Variants in ALDH7A1 observed in about 807,000 individuals in gnomAD.
ALDH7A1 encodes aldehyde dehydrogenase 7 family member A1.
Under a neutral mutation model 79.9 loss-of-function variants are expected in ALDH7A1, and 63 were observed. That is an observed-to-expected ratio of 0.79 (90% CI 0.64 to 0.97). The LOEUF (loss-of-function observed/expected upper bound fraction) is 0.97. Ranked by LOEUF, ALDH7A1 falls within the 50% of genes least tolerant of loss-of-function variation. The pLI, the probability that ALDH7A1 is intolerant of heterozygous loss-of-function variation, is 0.00. For synonymous variants in ALDH7A1, 240 were observed against 231.2 expected (o/e 1.04, Z -0.34); for missense variants, 627 against 665.2 (o/e 0.94, Z 0.63).
In ALDH7A1 at chr5:126,543,317, T is replaced by C. The variant is rs1053274261; in HGVS notation, c.*1648A>G. The stretch of plus-strand genomic sequence containing the variant: ...ATGTAGAAGAAAAATTATAAATTTG[T>C]TTCAAAGAAAGCTTTCAGAATCAGT... On this transcript the variant is annotated 3_prime_UTR_variant, in exon 18 of 18. Transcript: ENST00000409134. 4.6e-5 allele frequency: 7 copies of C among 152,168 alleles called. No individual in the cohort carries two copies. The highest frequency in any genetic ancestry group is 7.4e-5 in the Non-Finnish European group (5 of 68,022). 9.4% of individuals were successfully genotyped at this position (152,168 alleles called of 1,614,324 possible). A position where few individuals can be genotyped will look rare whatever the true frequency, so the allele number is the denominator to read the frequency against.
Position 126,542,557 on chromosome 5 carries a change from G to C in ALDH7A1, c.*2408C>G, listed in dbSNP as rs1749640896. On this transcript the variant is annotated 3_prime_UTR_variant, in exon 18 of 18. Transcript: ENST00000409134. ...GCATGCACCTGTAGTCCCAGCTACT[G>C]GGGAGCATGAGGTGGAAGGATAGAT... The C allele has an allele frequency of 1.3e-5, 2 of 152,222 alleles. No individual in the cohort carries two copies. Among genetic ancestry groups the C allele is most frequent in the South Asian group, 4.1e-4 (2 of 4,824 alleles). 9.4% of individuals were successfully genotyped at this position (152,222 alleles called of 1,614,324 possible).
At chr5:126,566,215 G>T (rs1750578143) in intron 9 of ALDH7A1, among the ~76,000 whole-genome samples, 1 of 151,998 alleles carries the variant, frequency 6.6e-6, no homozygotes, top group African/African-American at 2.4e-5. Flanking sequence ...AATGAAAAGG[G>T]GATATCTACT....
chr5:126,573,546 A>C (rs1453089336), intron 7 of ALDH7A1, among the ~76,000 whole-genome samples: 1 of 151,906 alleles, frequency 6.6e-6, no homozygotes, highest in Non-Finnish European at 1.5e-5. Flanking sequence ...AAAATACAAA[A>C]AATTAGCCGG....
At chr5:126,548,557 G>A (rs776065916) in intron 16 of ALDH7A1, among the ~76,000 whole-genome samples, 1 of 151,738 alleles carries the variant, frequency 6.6e-6, no homozygotes, top group African/African-American at 2.4e-5. Flanking sequence ...CTCCCAAGTA[G>A]CTGGGACTAC....
At chr5:126,573,116 C>CAA (rs11290126) in intron 7 of ALDH7A1, among the ~76,000 whole-genome samples, 19 of 95,194 alleles carry the variant, frequency 2.0e-4, no homozygotes, top group Non-Finnish European at 3.4e-4. Flanking sequence ...CCATTTAAAG[C>CAA]AAAAAAAAAA....
chr5:126,568,561 G>C, intron 8 of ALDH7A1: 4 of 576,068 alleles, frequency 6.9e-6, no homozygotes, highest in Non-Finnish European at 1.2e-5. Flanking sequence ...AGGCTAACCT[G>C]CTGTGAGCAT....
chr5:126,593,861 TA>T, intron 1 of ALDH7A1: 4 of 273,330 alleles, frequency 1.5e-5, no homozygotes, highest in East Asian at 9.1e-5. Flanking sequence ...AAGGCACAGC[TA>T]AAAAGGCCTC....
chr5:126,560,425 C>T (rs1349129020), intron 10 of ALDH7A1, among the ~76,000 whole-genome samples: 3 of 152,048 alleles, frequency 2.0e-5, no homozygotes, highest in African/African-American at 4.8e-5. Flanking sequence ...GAGCTGAGAT[C>T]GCACCACTGC....
chr5:126,578,796 C>T (rs911053004), intron 5 of ALDH7A1, among the ~76,000 whole-genome samples: 5 of 152,144 alleles, frequency 3.3e-5, no homozygotes, highest in South Asian at 2.1e-4. Context: ...CACACGAATA[C>T]GATGGTTCAC....
chr5:126,569,975 T>C (rs1222214549), intron 8 of ALDH7A1: 1 of 152,228 alleles, frequency 6.6e-6, no homozygotes, highest in Non-Finnish European at 1.5e-5. Flanking sequence ...ACCTCAGCTT[T>C]CATCCCAGTT....
intron 16 of ALDH7A1, among the ~76,000 whole-genome samples, chr5:126,547,650 A>G (rs1749835934): frequency 6.6e-6 from 1 of 152,230 alleles, no homozygotes; most frequent in Non-Finnish European, 1.5e-5. Context: ...CTATCATAAT[A>G]GAGGGTCAAT....
At chr5:126,550,074 C>G in intron 15 of ALDH7A1, 72 bp from the exon 16 acceptor site, 1 of 1,580,202 alleles carries the variant, frequency 6.3e-7, no homozygotes, top group Non-Finnish European at 8.7e-7. Flanking sequence ...AATAAAAAAT[C>G]TAAACCAAAG....
At chr5:126,551,535 C>T (rs542660252) in intron 14 of ALDH7A1, among the ~76,000 whole-genome samples, 1 of 152,020 alleles carries the variant, frequency 6.6e-6, no homozygotes, top group Non-Finnish European at 1.5e-5. Context: ...GTTGGCCAGG[C>T]TGGTCTCGAA....
intron 3 of ALDH7A1, chr5:126,587,189 C>A (rs1403796423): frequency 1.3e-5 from 2 of 152,100 alleles, no homozygotes; most frequent in African/African-American, 4.8e-5. Context: ...CATGGGGATG[C>A]AGACGGCAGA....
intron 4 of ALDH7A1, 145 bp downstream of exon 4, chr5:126,583,787 C>A (rs1187586261): frequency 1.5e-6 from 1 of 674,932 alleles, no homozygotes. Flanking sequence ...CTGCAGTGAG[C>A]CAAGATTTTA....
intron 16 of ALDH7A1, among the ~76,000 whole-genome samples, chr5:126,547,410 G>C (rs1041285166): frequency 6.6e-6 from 1 of 152,194 alleles, no homozygotes; most frequent in Non-Finnish European, 1.5e-5. Flanking sequence ...CACATGCTGG[G>C]GGAATGAACT....
chr5:126,548,307 A>G (rs995095874), intron 16 of ALDH7A1, among the ~76,000 whole-genome samples: 2 of 151,878 alleles, frequency 1.3e-5, no homozygotes, highest in South Asian at 2.1e-4. Flanking sequence ...TGACACCACA[A>G]CTGGCTAGTT....
In ALDH7A1 at chr5:126,544,528, A is replaced by G. The variant is rs1749718931; in HGVS notation, c.*437T>C. On this transcript the variant is annotated 3_prime_UTR_variant, in exon 18 of 18. Coordinates refer to ENST00000409134, the MANE Select transcript of ALDH7A1 (RefSeq NM_001182.5). ...AATCACACGACATCCAACACATGCC[A>G]TAGGTGGGTAATGTCAAGCAATATT... 4.3e-6 allele frequency: 1 copy of G among 233,476 alleles called. No homozygotes were observed. Among genetic ancestry groups the G allele is most frequent in the South Asian group, 5.9e-5 (1 of 16,854 alleles). The allele number at this position is 233,476 out of a possible 1,614,324, so 14.5% of individuals were successfully genotyped here. A position where few individuals can be genotyped will look rare whatever the true frequency, so the allele number is the denominator to read the frequency against.
chr5:126,576,223 C>T (rs1016636600), intron 6 of ALDH7A1, among the ~76,000 whole-genome samples: 2 of 149,088 alleles, frequency 1.3e-5, no homozygotes, highest in Non-Finnish European at 3.0e-5. Flanking sequence ...AGACCGCGCC[C>T]CTGCACTCCA....
Sources: allele counts gnomAD v4.1 joint callset (sites outside exome capture counted in the v4.1 genomes callset), GRCh38; gene constraint gnomAD v4.1.1; transcripts MANE v1.5; gene names NCBI Gene and HGNC (gene_info 2026-07-23, HGNC 2026-07-21).